The following USP32 variants were observed in gnomAD, a reference collection of about 807,000 sequenced individuals.
The protein encoded by USP32 is ubiquitin specific peptidase 32, also known as ubiquitin carboxyl-terminal hydrolase 32.
Under a neutral mutation model 204.8 loss-of-function variants are expected in USP32, and 59 were observed. The observed-to-expected ratio is 0.29, with a 90% CI of 0.23 to 0.36. The LOEUF (loss-of-function observed/expected upper bound fraction) is 0.36. Among genes scored for constraint, USP32 ranks in the 10% least tolerant of loss-of-function variants. USP32 has a pLI of 1.00. For missense variants in USP32, 1,160 were observed against 1,946.4 expected (o/e 0.60, Z 7.60); for synonymous variants, 517 against 678.4 (o/e 0.76, Z 3.70).
chr17:60,298,183 T>C (rs2087486033), intron 3 of USP32, among the ~76,000 whole-genome samples: 1 of 152,208 alleles, frequency 6.6e-6, no homozygotes, highest in African/African-American at 2.4e-5. Flanking sequence ...ACAGTATGCA[T>C]GTGTCAGGAA....
At chr17:60,348,800 G>A (rs1314022354) in intron 1 of USP32, among the ~76,000 whole-genome samples, 2 of 152,032 alleles carry the variant, frequency 1.3e-5, no homozygotes, top group African/African-American at 2.4e-5. Flanking sequence ...AGAGTGCTTG[G>A]CACACAGTTA....
intron 1 of USP32, among the ~76,000 whole-genome samples, chr17:60,371,289 G>A (rs1001003056): frequency 3.3e-5 from 5 of 149,470 alleles, no homozygotes; most frequent in East Asian, 2.0e-4. Flanking sequence ...TTAAATGGCC[G>A]GGCGCAGTGG....
chr17:60,307,527 C>A (rs1228787014), intron 2 of USP32, among the ~76,000 whole-genome samples: 1 of 152,160 alleles, frequency 6.6e-6, no homozygotes, highest in African/African-American at 2.4e-5. Context: ...ATACATGGAA[C>A]CTCAAAAGAC....
Position 60,181,674 on chromosome 17 carries a change from G to A in USP32, c.4198C>T (p.Arg1400Trp), listed in dbSNP as rs375202764. The A allele has an allele frequency of 3.2e-5, 51 of 1,613,148 alleles. No individual in the cohort carries two copies. The highest frequency in any genetic ancestry group is 3.7e-5 in the Non-Finnish European group (44 of 1,179,858). ...SKNSSPNSSP[R>W]TLGRSKGRLR... ...CTCCCTTTGCTCCTCCCCAAAGTCC[G>A]TGGGCTGCTATTAGGGCTGCTGTTT... Residue 1400 changes from arginine to tryptophan, a missense_variant, in exon 32 of 34, where the codon CGG becomes TGG. Arg to Trp is a moderately radical substitution (Grantham distance 101). Transcript: ENST00000300896.
chr17:60,205,794 C>A (rs548661603), intron 25 of USP32, 136 bp from the exon 26 acceptor site: 32 of 1,154,934 alleles, frequency 2.8e-5, no homozygotes, highest in African/African-American at 1.1e-4. Flanking sequence ...ATAAATAATT[C>A]TAGATTTATT....
chr17:60,312,446 G>A (rs1193137203), intron 2 of USP32, among the ~76,000 whole-genome samples: 1 of 151,880 alleles, frequency 6.6e-6, no homozygotes, highest in Admixed American at 6.6e-5. Context: ...TTGTTGTTGA[G>A]ACAGGGTCTC....
rs566194628 is a variant in USP32, at chr17:60,244,076, C to T, written c.1137-7836G>A. On this transcript the variant is annotated intron_variant, in intron 11 of 33. Transcript: ENST00000300896. ...TTTGAGATGGAGTCTAGCTCTGTCA[C>T]CCAGGCTGAAGTGCAGTGACGCGAT... Among the ~76,000 whole-genome samples, 3 of 133,548 alleles carry T rather than the reference C, an allele frequency of 2.2e-5. No homozygotes were observed. The East Asian group carries it at 6.8e-4, about 30-fold the overall frequency. The allele number at this position is 133,548 out of a possible 152,430, so 87.6% of individuals were successfully genotyped here.
At chr17:60,193,311 C>T (rs2064664964) in intron 27 of USP32, among the ~76,000 whole-genome samples, 1 of 152,186 alleles carries the variant, frequency 6.6e-6, no homozygotes, top group Non-Finnish European at 1.5e-5. Flanking sequence ...ATGACAAGAA[C>T]ACCGACACAT....
At chr17:60,350,719 TA>T (rs2088927726) in intron 1 of USP32, among the ~76,000 whole-genome samples, 1 of 152,104 alleles carries the variant, frequency 6.6e-6, no homozygotes, top group African/African-American at 2.4e-5. Flanking sequence ...CCTCTCTCAG[TA>T]AAATTACAGT....
intron 2 of USP32, among the ~76,000 whole-genome samples, chr17:60,338,463 GC>G (rs1359053988): frequency 5.9e-5 from 9 of 152,274 alleles, no homozygotes; most frequent in African/African-American, 1.9e-4. Flanking sequence ...AGGCATGGTA[GC>G]GCACATCTGT....
At chr17:60,235,576 A>G (rs552034445) in intron 12 of USP32, among the ~76,000 whole-genome samples, 3 of 152,378 alleles carry the variant, frequency 2.0e-5, no homozygotes, top group African/African-American at 7.2e-5. Flanking sequence ...CAATGAGTGT[A>G]TATATCAGTT....
intron 1 of USP32, among the ~76,000 whole-genome samples, chr17:60,372,655 C>A (rs1427860487): frequency 6.8e-6 from 1 of 147,776 alleles, no homozygotes; most frequent in Non-Finnish European, 1.5e-5. Context: ...GTCTGGGTAA[C>A]ACAGTAAGAC....
upstream of USP32, among the ~76,000 whole-genome samples, chr17:60,394,930 G>C (rs2089890118): frequency 6.6e-6 from 1 of 152,120 alleles, no homozygotes; most frequent in African/African-American, 2.4e-5. Flanking sequence ...TTTTAGTAGA[G>C]ATGGGGTTTC....
rs566677709 is a variant in USP32 at position 60,306,010 on chromosome 17, G to A, written c.187-4306C>T. Among the ~76,000 whole-genome samples, 15 of 151,850 alleles carry A rather than the reference G, an allele frequency of 9.9e-5. No homozygotes were observed. In the South Asian group the frequency reaches 2.5e-3, roughly 25 times the overall value. On this transcript the variant is annotated intron_variant, in intron 2 of 33. Transcript: ENST00000300896. ...AAGTTCTAGGATGTACATATTTTCC[G>A]CCTTTAATCAATGTTTCAGAAAGCA... is the stretch of plus-strand genomic sequence containing the variant.
At chr17:60,248,162 C>T (rs1252652441) in intron 11 of USP32, among the ~76,000 whole-genome samples, 1 of 149,434 alleles carries the variant, frequency 6.7e-6, no homozygotes, top group Non-Finnish European at 1.5e-5. Flanking sequence ...ACAGTTTTTG[C>T]TTTTTTGGTT....
intron 12 of USP32, among the ~76,000 whole-genome samples, chr17:60,232,842 T>C (rs2085609078): frequency 6.6e-6 from 1 of 152,130 alleles, no homozygotes; most frequent in Non-Finnish European, 1.5e-5. Flanking sequence ...CCACCATGCC[T>C]GGCATGAAAG....
chr17:60,250,361 T>C (rs1037496107), intron 11 of USP32, among the ~76,000 whole-genome samples: 1 of 152,092 alleles, frequency 6.6e-6, no homozygotes, highest in Admixed American at 6.5e-5. Flanking sequence ...AGTTGTAAAA[T>C]AAGCCAATAA....
chr17:60,356,282 C>T (rs2089075187), intron 1 of USP32, among the ~76,000 whole-genome samples: 1 of 152,052 alleles, frequency 6.6e-6, no homozygotes, highest in African/African-American at 2.4e-5. Context: ...GAAAGGAAAA[C>T]CTGGAAAACA....
At chr17:60,254,874 A>G (rs1484777649) in intron 10 of USP32, among the ~76,000 whole-genome samples, 1 of 152,134 alleles carries the variant, frequency 6.6e-6, no homozygotes, top group African/African-American at 2.4e-5. Context: ...CCCTTTTAAA[A>G]AGACAATAAT....
Sources: allele counts gnomAD v4.1 joint callset (sites outside exome capture counted in the v4.1 genomes callset), GRCh38; gene constraint gnomAD v4.1.1; transcripts MANE v1.5; gene names NCBI Gene and HGNC (gene_info 2026-07-23, HGNC 2026-07-21).